SH3BP2: variants seen among roughly 807,000 people sequenced by gnomAD.
SH3BP2 encodes the protein SH3 domain binding protein 2, also known as SH3 domain-binding protein 2.
Under a neutral mutation model 56.2 loss-of-function variants are expected in SH3BP2, and 38 were observed. The ratio of observed to expected loss-of-function variants is 0.68; its 90% CI spans 0.52 to 0.89. The LOEUF (loss-of-function observed/expected upper bound fraction) is 0.89, where lower values mean the gene tolerates loss of function less well. Ranked by LOEUF, SH3BP2 falls within the 40% of genes least tolerant of loss-of-function variation. SH3BP2 has a pLI of 0.00. For synonymous variants in SH3BP2, 346 were observed against 316.7 expected (o/e 1.09, Z -0.98); for missense variants, 748 against 762.6 (o/e 0.98, Z 0.23).
Position 2,836,885 on chromosome 4 carries a change from T to C in SH3BP2, c.*3051T>C, listed in dbSNP as rs888487619. On this transcript the variant is annotated 3_prime_UTR_variant, in exon 13 of 13. Transcript: ENST00000503393. Reference sequence around the variant, plus strand: ...TGACATACCTACCTTCAAGATGAGTTCAGGTGGGCTCAGTTCTGGGGCTTG... The same window carrying C: ...TGACATACCTACCTTCAAGATGAGTCCAGGTGGGCTCAGTTCTGGGGCTTG... 30 of 152,196 alleles carry C rather than the reference T, an allele frequency of 2.0e-4. No homozygotes were observed. The highest frequency in any genetic ancestry group is 6.5e-4 in the African/African-American group (27 of 41,454). 9.4% of individuals were successfully genotyped at this position (152,196 alleles called of 1,614,324 possible).
chr4:2,830,197 G>T (rs1463246564), intron 8 of SH3BP2, 50 bp downstream of exon 8: 1 of 1,543,938 alleles, frequency 6.5e-7, no homozygotes, highest in Admixed American at 1.8e-5. Context: ...CAGGGACCCT[G>T]GCCTGGCCTC....
chr4:2,828,732 C>G (rs1006269926), intron 7 of SH3BP2, among the ~76,000 whole-genome samples: 4 of 152,346 alleles, frequency 2.6e-5, no homozygotes, highest in Admixed American at 6.5e-5. Context: ...CTCTGTACCC[C>G]CTTCATCCTC....
In SH3BP2 at chr4:2,839,034, G is replaced by A. The variant is rs906526673; in HGVS notation, c.*5200G>A. On this transcript the variant is annotated 3_prime_UTR_variant, in exon 13 of 13. Transcript: ENST00000503393. ...CAGTCTGGTGGGGTGTATAGTTATG[G>A]CCTTAATTTGCATTTAGCTAATTAC... is the stretch of plus-strand genomic sequence containing the variant. 6.6e-6 allele frequency: 1 copy of A among 152,046 alleles called. No individual in the cohort carries two copies. Among genetic ancestry groups the A allele is most frequent in the African/African-American group, 2.4e-5 (1 of 41,366 alleles). The allele number at this position is 152,046 out of a possible 1,614,324, so 9.4% of individuals were successfully genotyped here.
chr4:2,825,707 G>C (rs1370522376), intron 5 of SH3BP2, among the ~76,000 whole-genome samples: 1 of 152,244 alleles, frequency 6.6e-6, no homozygotes, highest in Non-Finnish European at 1.5e-5. Flanking sequence ...TTCCTGTTAG[G>C]GGATCATGTG....
At position 2,825,454 on chromosome 4, in the gene SH3BP2, A is replaced by G. The variant is rs533355829; in HGVS notation, c.428+258A>G. Reference sequence around the variant, plus strand: ...ACAAGCAACACGCGGACATGCACACACACAGAGCAACACGTGGACATGCGC... The same window carrying G: ...ACAAGCAACACGCGGACATGCACACGCACAGAGCAACACGTGGACATGCGC... On this transcript the variant is annotated intron_variant, in intron 5 of 12. Coordinates refer to ENST00000503393, the MANE Select transcript of SH3BP2 (RefSeq NM_001122681.2). Among the ~76,000 whole-genome samples, 3 of 144,548 alleles carry G rather than the reference A, an allele frequency of 2.1e-5. No homozygotes were observed. In the East Asian group the frequency reaches 5.8e-4, roughly 28 times the overall value. The allele number at this position is 144,548 out of a possible 152,430, so 94.8% of individuals were successfully genotyped here.
intron 1 of SH3BP2, among the ~76,000 whole-genome samples, chr4:2,804,162 C>T (rs1471378160): frequency 2.0e-5 from 3 of 152,204 alleles, no homozygotes; most frequent in East Asian, 3.9e-4. Flanking sequence ...GTGGGTTCCA[C>T]TGCAACTCTC....
chr4:2,833,299 T>C (rs1206587500), intron 12 of SH3BP2: 2 of 592,726 alleles, frequency 3.4e-6, no homozygotes, highest in Non-Finnish European at 6.0e-6. Context: ...CTGGGTTGCT[T>C]GTCTTGTCTT....
At chr4:2,819,398 AT>A (rs1043225218) in intron 1 of SH3BP2, among the ~76,000 whole-genome samples, 17 of 143,926 alleles carry the variant, frequency 1.2e-4, no homozygotes, top group South Asian at 4.4e-4. Context: ...TTAAAAAAAA[AT>A]TTTTTTTTAG....
At chr4:2,793,284 G>A (rs1185490504) in intron 1 of SH3BP2, 146 bp downstream of exon 1, 2 of 143,460 alleles carry the variant, frequency 1.4e-5, no homozygotes, top group Non-Finnish European at 1.6e-5. Context: ...GGTCCCGACA[G>A]GTCTCGGCGG....
intron 1 of SH3BP2, among the ~76,000 whole-genome samples, chr4:2,815,589 A>T (rs982008373): frequency 5.3e-5 from 8 of 152,104 alleles, no homozygotes; most frequent in Non-Finnish European, 7.4e-5. Flanking sequence ...AGCCAGGAGG[A>T]GGTGGTGGGT....
At chr4:2,802,528 A>G (rs1327274379) in intron 1 of SH3BP2, among the ~76,000 whole-genome samples, 1 of 78,956 alleles carries the variant, frequency 1.3e-5, no homozygotes, top group South Asian at 4.1e-4. Flanking sequence ...GTATATATAT[A>G]TGTATGTGTG....
Position 2,831,756 on chromosome 4 carries a change from C to T in SH3BP2, c.1350+77C>T, listed in dbSNP as rs2108741289. On this transcript the variant is annotated intron_variant, in intron 9 of 12. Coordinates refer to ENST00000503393, the MANE Select transcript of SH3BP2 (RefSeq NM_001122681.2). The surrounding 1 kb of genome is among the most constrained non-coding windows in gnomAD (Gnocchi z 4.1). ...GTGGGAAAGCCATAGGCCAGGGCGG[C>T]CCCTCACAGACCGTCCTGAGCAAGG... 2.2e-6 allele frequency: 3 copies of T among 1,394,568 alleles called. No homozygotes were observed. The East Asian group carries it at 7.4e-5, about 34-fold the overall frequency. The allele number at this position is 1,394,568 out of a possible 1,614,324, so 86.4% of individuals were successfully genotyped here.
At chr4:2,827,457 C>A in intron 6 of SH3BP2, 139 bp downstream of exon 6, 1 of 1,169,012 alleles carries the variant, frequency 8.6e-7, no homozygotes, top group Non-Finnish European at 1.3e-6. Context: ...CATCCCTGGG[C>A]TCTGGCCTTC....
rs1470177825 is a variant in SH3BP2 at position 2,829,529 on chromosome 4, C to T, written c.623C>T (p.Pro208Leu). The change falls in exon 8 of 13, where the codon CCA (proline) becomes CTA (leucine). Residue 208 changes from proline (P) to leucine (L), a missense_variant. Coordinates refer to ENST00000503393, the MANE Select transcript of SH3BP2 (RefSeq NM_001122681.2). The surrounding 1 kb of genome is among the most constrained non-coding windows in gnomAD (Gnocchi z 4.9). ...LMHPPAYPPP[P>L]VPTPRKPAFS... ...CACCCACCGGCTTACCCACCACCCC[C>T]AGTGCCCACGCCCAGGAAGCCAGCC... The T allele has an allele frequency of 1.2e-6, 2 of 1,613,682 alleles. No homozygotes were observed. The highest frequency in any genetic ancestry group is 3.3e-5 in the Admixed American group (2 of 60,020).
At chr4:2,794,224 C>T (rs565787774) in intron 1 of SH3BP2, 2 of 152,498 alleles carry the variant, frequency 1.3e-5, no homozygotes, top group South Asian at 2.1e-4. Context: ...AGGCAGGGCC[C>T]ACAGCCTCCT....
chr4:2,829,361 G>A lies in SH3BP2; in HGVS notation c.587-132G>A. The A allele has an allele frequency of 1.1e-6, 1 of 890,042 alleles. No homozygotes were observed. The highest frequency in any genetic ancestry group is 1.8e-6 in the Non-Finnish European group (1 of 550,272). The allele number at this position is 890,042 out of a possible 1,614,324, so 55.1% of individuals were successfully genotyped here. A position where few individuals can be genotyped will look rare whatever the true frequency, so the allele number is the denominator to read the frequency against. Reference sequence around the variant, plus strand: ...GGATGGGAGTGCTGGGTGCTGGGCTGCTGGGTGGGCAGGCTGTGGGGTGGG... The same window carrying A: ...GGATGGGAGTGCTGGGTGCTGGGCTACTGGGTGGGCAGGCTGTGGGGTGGG... On this transcript the variant is annotated intron_variant, in intron 7 of 12. Transcript: ENST00000503393. The surrounding 1 kb of genome is among the most constrained non-coding windows in gnomAD (Gnocchi z 4.9).
intron 1 of SH3BP2, among the ~76,000 whole-genome samples, chr4:2,805,177 G>A (rs773415032): frequency 1.1e-4 from 16 of 152,198 alleles, no homozygotes; most frequent in Admixed American, 2.0e-4. Flanking sequence ...GAAGGTGCCC[G>A]GCAGATTTCC....
chr4:2,812,164 TG>T, intron 1 of SH3BP2: 1 of 1,431,180 alleles, frequency 7.0e-7, no homozygotes, highest in Non-Finnish European at 9.1e-7. Context: ...GGGGCAGCCC[TG>T]GGCCCCAGGC....
In SH3BP2 at chr4:2,837,554, A is replaced by C. The variant is rs1308006392; in HGVS notation, c.*3720A>C. The C allele has an allele frequency of 3.9e-5, 6 of 152,458 alleles. No individual in the cohort carries two copies. The South Asian group carries it at 1.2e-3, about 32-fold the overall frequency. 9.4% of individuals were successfully genotyped at this position (152,458 alleles called of 1,614,324 possible). On this transcript the variant is annotated 3_prime_UTR_variant, in exon 13 of 13. Transcript: ENST00000503393. ...TATTGGGGCCATTTCATAGAAAGGC[A>C]GATTGAAGCTCAGCAGGGAAGAGGC...
Sources: gnomAD v4.1 joint callset for allele counts (sites outside exome capture counted in the v4.1 genomes callset) on GRCh38, gnomAD v4.1.1 for gene constraint, Gnocchi (gnomAD v3.1) non-coding constraint, MANE v1.5 for transcripts, NCBI Gene and HGNC (gene_info 2026-07-23, HGNC 2026-07-21) for gene names.